ADORA2A: variants seen among roughly 807,000 people sequenced by gnomAD.
ADORA2A encodes adenosine receptor A2a.
In ADORA2A, 11 loss-of-function variants were observed where a neutral mutation model predicts 18.4. The ratio of observed to expected loss-of-function variants is 0.60; its 90% CI spans 0.38 to 0.99. ADORA2A has a LOEUF of 0.99. ADORA2A is among the 50% of genes least tolerant of loss of function. ADORA2A has a pLI of 0.01. For synonymous variants in ADORA2A, 218 were observed against 237.3 expected, an observed-to-expected ratio of 0.92 and a Z score of 0.75; for missense variants, 449 against 556.1, an observed-to-expected ratio of 0.81 and a Z score of 1.94.
rs199593269 is a variant in ADORA2A at position 24,433,507 on chromosome 22, A to T, written c.103A>T (p.Ser35Cys). ...VLVCWAVWLN[S>C]NLQNVTNYFV... is the part of the protein sequence containing the mutation. ...GGTGTGCTGGGCCGTGTGGCTCAAC[A>T]GCAACCTGCAGAACGTCACCAACTA... is the stretch of plus-strand genomic sequence containing the variant. The change falls in exon 2 of 3, where the codon AGC becomes TGC. Residue 35 changes from serine (S) to cysteine (C), a missense_variant. Transcript: ENST00000337539. The T allele has an allele frequency of 2.5e-6, 4 of 1,614,218 alleles. No individual in the cohort carries two copies. The highest frequency in any genetic ancestry group is 3.4e-6 in the Non-Finnish European group (4 of 1,180,046).
intron 1 of ADORA2A, chr22:24,431,117 G>A (rs766180812): frequency 3.3e-5 from 15 of 456,654 alleles, no homozygotes; most frequent in Non-Finnish European, 4.0e-5. Flanking sequence ...GATGGTGCCA[G>A]GAGAGCTGGT....
In ADORA2A at chr22:24,441,271, C is replaced by T. The variant is rs753150374; in HGVS notation, c.1021C>T (p.His341Tyr). The T allele has an allele frequency of 6.2e-7, 1 of 1,613,118 alleles. No individual in the cohort carries two copies. Among genetic ancestry groups the T allele is most frequent in the Non-Finnish European group, 8.5e-7 (1 of 1,179,726 alleles). ...GCAGGTCAGCCTCCGTCTCAACGGC[C>T]ACCCGCCAGGAGTGTGGGCCAACGG... ...GEQVSLRLNG[H>Y]PPGVWANGSA... is the part of the protein sequence containing the mutation. The change falls in exon 3 of 3, where the codon CAC becomes TAC. Residue 341 changes from histidine to tyrosine, a missense_variant. His to Tyr is a moderately conservative substitution (Grantham distance 83, BLOSUM62 2). Coordinates refer to ENST00000337539, the MANE Select transcript of ADORA2A (RefSeq NM_000675.6).
At chr22:24,434,281 T>C (rs1434471911) in intron 2 of ADORA2A, among the ~76,000 whole-genome samples, 3 of 152,166 alleles carry the variant, frequency 2.0e-5, no homozygotes, top group Non-Finnish European at 4.4e-5. Flanking sequence ...AGTGACTTGG[T>C]TGAATGCCAC....
Position 24,433,380 on chromosome 22 carries a change from C to A in ADORA2A, c.-25C>A. ...TGAGCTGGCCCAGCCCGCGTCCGTG[C>A]TGAGCCTGCCTGTCGTCTGTGGCCA... is the stretch of plus-strand genomic sequence containing the variant. On this transcript the variant is annotated 5_prime_UTR_variant, in exon 2 of 3. In the 5' UTR this introduces an upstream ATG that the reference lacks. Coordinates refer to ENST00000337539, the MANE Select transcript of ADORA2A (RefSeq NM_000675.6). 6.3e-7 allele frequency: 1 copy of A among 1,588,302 alleles called. No homozygotes were observed. The highest frequency in any genetic ancestry group is 8.6e-7 in the Non-Finnish European group (1 of 1,167,658).
At chr22:24,424,127 C>A (rs998821679), upstream of ADORA2A, among the ~76,000 whole-genome samples, 2 of 152,056 alleles carry the variant, frequency 1.3e-5, no homozygotes, top group African/African-American at 4.8e-5. The surrounding 1 kb of genome is among the most constrained non-coding windows in gnomAD (Gnocchi z 4.9). Context: ...TTTCCCGCCG[C>A]CCCGAGACCA....
At chr22:24,429,066 C>T (rs1274536345) in intron 1 of ADORA2A, 1 of 152,370 alleles carries the variant, frequency 6.6e-6, no homozygotes, top group African/African-American at 2.4e-5. Context: ...TAGCCGCACT[C>T]AGGAGCAGAT....
Position 24,440,711 on chromosome 22 carries a change from A to T in ADORA2A, c.461A>T (p.Asn154Ile), listed in dbSNP as rs1294240504. 6.2e-7 allele frequency: 1 copy of T among 1,614,012 alleles called. No homozygotes were observed. The highest frequency in any genetic ancestry group is 1.3e-5 in the African/African-American group (1 of 74,936). The change falls in exon 3 of 3, where the codon AAC becomes ATC. Residue 154 changes from asparagine (N) to isoleucine (I), a missense_variant. Asn to Ile is a moderately radical substitution (Grantham distance 149). Transcript: ENST00000337539. ...NNCGQPKEGK[N>I]HSQGCGEGQV... ...TGCGGTCAGCCAAAGGAGGGCAAGAACCACTCCCAGGGCTGCGGGGAGGGC... is the reference window on the plus strand; with the variant it reads ...TGCGGTCAGCCAAAGGAGGGCAAGATCCACTCCCAGGGCTGCGGGGAGGGC...
intron 2 of ADORA2A, 48 bp downstream of exon 2, chr22:24,433,784 G>C (rs1348516534): frequency 6.4e-7 from 1 of 1,554,082 alleles, no homozygotes; most frequent in East Asian, 2.3e-5. Context: ...TGGTGCCCAG[G>C]CTTTGGTCTG....
At chr22:24,426,467 C>T (rs1367403503), upstream of ADORA2A, among the ~76,000 whole-genome samples, 3 of 152,182 alleles carry the variant, frequency 2.0e-5, no homozygotes, top group Non-Finnish European at 4.4e-5. Context: ...AGGGTTCTAG[C>T]TCCCAGAAGG....
intron 2 of ADORA2A, among the ~76,000 whole-genome samples, chr22:24,437,225 C>G (rs1601416187): frequency 6.6e-6 from 1 of 152,220 alleles, no homozygotes; most frequent in African/African-American, 2.4e-5. Flanking sequence ...CTGCAGAGGG[C>G]ACCTCCACAA....
intron 2 of ADORA2A, among the ~76,000 whole-genome samples, chr22:24,433,992 G>A (rs2043112730): frequency 6.6e-6 from 1 of 152,244 alleles, no homozygotes; most frequent in Non-Finnish European, 1.5e-5. Context: ...GGCTGCCTGA[G>A]GCCAACTGTG....
chr22:24,434,639 G>A (rs1168344777), intron 2 of ADORA2A, among the ~76,000 whole-genome samples: 2 of 152,216 alleles, frequency 1.3e-5, no homozygotes, highest in Non-Finnish European at 2.9e-5. Context: ...TGAGGCTTGA[G>A]GTGGTGCCTC....
intron 2 of ADORA2A, among the ~76,000 whole-genome samples, chr22:24,439,119 C>T (rs1481242263): frequency 9.5e-6 from 1 of 105,138 alleles, no homozygotes; most frequent in Non-Finnish European, 1.8e-5. Flanking sequence ...GAGTCTTGCT[C>T]TGTCTCCCAG....
intron 2 of ADORA2A, among the ~76,000 whole-genome samples, chr22:24,437,297 G>T (rs548874805): frequency 6.6e-6 from 1 of 152,346 alleles, no homozygotes; most frequent in East Asian, 1.9e-4. Context: ...CAGAGTGGTG[G>T]TGTGTCACGC....
At chr22:24,426,131 C>T (rs1346166774), upstream of ADORA2A, among the ~76,000 whole-genome samples, 1 of 152,206 alleles carries the variant, frequency 6.6e-6, no homozygotes, top group Non-Finnish European at 1.5e-5. Flanking sequence ...TGGGCAGTGC[C>T]TGCTGTGTGG....
upstream of ADORA2A, among the ~76,000 whole-genome samples, chr22:24,425,515 C>G (rs2042909379): frequency 6.6e-6 from 1 of 152,240 alleles, no homozygotes; most frequent in African/African-American, 2.4e-5. Context: ...CCATCCGTGT[C>G]CCCTGTTTCC....
chr22:24,441,075 C>G lies in ADORA2A; in HGVS notation c.825C>G (p.Val275=). Residue 275 remains valine (V), a synonymous_variant, in exon 3 of 3, where the codon GTC becomes GTG. Coordinates refer to ENST00000337539, the MANE Select transcript of ADORA2A (RefSeq NM_000675.6). ...APLWLMYLAI[V]LSHTNSVVNP... is the part of the protein sequence containing the mutation. ...TCTGGCTCATGTACCTGGCCATCGTCCTCTCCCACACCAATTCGGTTGTGA... is the reference window on the plus strand; with the variant it reads ...TCTGGCTCATGTACCTGGCCATCGTGCTCTCCCACACCAATTCGGTTGTGA... 1 of 1,614,158 alleles carries G rather than the reference C, an allele frequency of 6.2e-7. No homozygotes were observed. Among genetic ancestry groups the G allele is most frequent in the Non-Finnish European group, 8.5e-7 (1 of 1,180,028 alleles).
upstream of ADORA2A, among the ~76,000 whole-genome samples, chr22:24,426,724 G>A (rs2042922397): frequency 6.6e-6 from 1 of 152,212 alleles, no homozygotes; most frequent in African/African-American, 2.4e-5. Context: ...GGGAGGATCA[G>A]GTGGAGAGAG....
chr22:24,441,976 CTTTTTA>C lies in ADORA2A; in HGVS notation c.*492_*497del, dbSNP rs1199905067. 1 of 154,064 alleles carries C rather than the reference CTTTTTA, an allele frequency of 6.5e-6. No individual in the cohort carries two copies. The highest frequency in any genetic ancestry group is 1.4e-5 in the Non-Finnish European group (1 of 69,050). 9.5% of individuals were successfully genotyped at this position (154,064 alleles called of 1,614,324 possible). A position where few individuals can be genotyped will look rare whatever the true frequency, so the allele number is the denominator to read the frequency against. On this transcript the variant is annotated 3_prime_UTR_variant, in exon 3 of 3. Transcript: ENST00000337539. ...GGAAAAATGTAAGTGTGAGGAAACC[CTTTTTA>C]TTTTATTACCTTTCACTCTCTGGCT...
Sources: gnomAD v4.1 joint callset for allele counts (sites outside exome capture counted in the v4.1 genomes callset) on GRCh38, gnomAD v4.1.1 for gene constraint, Gnocchi (gnomAD v3.1) non-coding constraint, MANE v1.5 for transcripts, NCBI Gene and HGNC (gene_info 2026-07-23, HGNC 2026-07-21) for gene names.